Variants in CABIN1 observed in about 807,000 individuals in gnomAD.
The protein encoded by CABIN1 is calcineurin-binding protein cabin-1.
CABIN1 carries 133 observed loss-of-function variants against 227.7 expected under a neutral mutation model. The observed-to-expected ratio is 0.58, with a 90% CI of 0.51 to 0.67. The LOEUF is 0.67. Ranked by LOEUF, CABIN1 falls within the 30% of genes least tolerant of loss-of-function variation. CABIN1 has a pLI of 0.00. For missense variants in CABIN1, 2,408 were observed against 2,852.5 expected, an observed-to-expected ratio of 0.84 and a Z score of 3.55; for synonymous variants, 1,086 against 1,155.1, an observed-to-expected ratio of 0.94 and a Z score of 1.21.
In CABIN1 at chr22:24,127,821, C is replaced by CATATAT. The variant is rs10640276; in HGVS notation, c.4633-6470_4633-6465dup. On this transcript the variant is annotated intron_variant, in intron 28 of 36. Coordinates refer to ENST00000263119, the MANE Select transcript of CABIN1 (RefSeq NM_012295.4). Reference sequence around the variant, plus strand: ...TCTTCAACAACTGTATTTAACTTTTCATATATATATATATATGAGTGATCT... The same window carrying CATATAT: ...TCTTCAACAACTGTATTTAACTTTTCATATATATATATATATATATATGAGTGATCT... Among the ~76,000 whole-genome samples the CATATAT allele has an allele frequency of 1.5e-3, 224 of 150,018 alleles. 1 individual carries two copies. Among genetic ancestry groups the CATATAT allele is most frequent in the African/African-American group, 5.1e-3 (210 of 40,932 alleles).
At chr22:24,092,975 G>A (rs1037157358) in intron 24 of CABIN1, among the ~76,000 whole-genome samples, 5 of 152,140 alleles carry the variant, frequency 3.3e-5, no homozygotes, top group Non-Finnish European at 5.9e-5. Flanking sequence ...TTAGCAGGGC[G>A]TTTGTTTATC....
Position 24,036,157 on chromosome 22 carries a change from C to T in CABIN1, c.72C>T (p.His24=), listed in dbSNP as rs747719847. The T allele has an allele frequency of 2.5e-6, 4 of 1,613,572 alleles. No homozygotes were observed. The East Asian group carries it at 8.9e-5, about 36-fold the overall frequency. ...EDDHEGSFKS[H]KTQTKEAQEA... is the part of the protein sequence containing the mutation. ...ATCATGAAGGAAGCTTTAAAAGTCA[C>T]AAAACCCAGACAAAGGAGGCTCAGG... is the stretch of plus-strand genomic sequence containing the variant. The change falls in exon 3 of 37, where the codon CAC becomes CAT. Residue 24 remains histidine, a synonymous_variant. Transcript: ENST00000263119.
At chr22:24,117,555 G>T (rs1309483834) in intron 27 of CABIN1, among the ~76,000 whole-genome samples, 1 of 148,684 alleles carries the variant, frequency 6.7e-6, no homozygotes, top group Admixed American at 6.7e-5. Flanking sequence ...TGGGGGGGGG[G>T]TTAGGTTTAA....
intron 22 of CABIN1, among the ~76,000 whole-genome samples, chr22:24,085,378 G>C (rs770109331): frequency 2.0e-5 from 3 of 152,208 alleles, no homozygotes; most frequent in African/African-American, 7.2e-5. Flanking sequence ...CCTCTGGGAG[G>C]GTTATTGGTA....
At chr22:24,120,660 A>C (rs751947095) in intron 28 of CABIN1, among the ~76,000 whole-genome samples, 1 of 152,040 alleles carries the variant, frequency 6.6e-6, no homozygotes, top group African/African-American at 2.4e-5. Context: ...TAAAAATACA[A>C]AAGTTAGCCA....
intron 27 of CABIN1, among the ~76,000 whole-genome samples, chr22:24,117,550 G>T (rs1334313653): frequency 1.3e-5 from 2 of 151,786 alleles, no homozygotes; most frequent in East Asian, 1.9e-4. Flanking sequence ...TTTTTTGGGG[G>T]GGGGGTTAGG....
intron 29 of CABIN1, among the ~76,000 whole-genome samples, chr22:24,159,556 C>T (rs973585667): frequency 2.0e-5 from 3 of 152,212 alleles, no homozygotes; most frequent in South Asian, 2.1e-4. Flanking sequence ...CCCTGTGCAG[C>T]GCCCAGGCAG....
intron 6 of CABIN1, among the ~76,000 whole-genome samples, chr22:24,043,848 A>G (rs1379168409): frequency 6.6e-6 from 1 of 152,264 alleles, no homozygotes; most frequent in African/African-American, 2.4e-5. Flanking sequence ...CTCCAGTTGT[A>G]AACTTGTGAA....
rs374152466 is a variant in CABIN1 at position 24,158,491 on chromosome 22, T to C, written c.4747-5909T>C. ...TCTGTGGTCATTTTGAATGATGTTT[T>C]TGGTGATGTGGGAAAATACATGTAC... On this transcript the variant is annotated intron_variant, in intron 29 of 36. Transcript: ENST00000263119. Among the ~76,000 whole-genome samples, 91 of 152,316 alleles carry C rather than the reference T, an allele frequency of 6.0e-4. 1 individual carries two copies. In the South Asian group the frequency reaches 0.018, roughly 30 times the overall value.
intron 1 of CABIN1, among the ~76,000 whole-genome samples, chr22:24,012,649 T>C (rs1243539295): frequency 6.6e-6 from 1 of 152,224 alleles, no homozygotes; most frequent in East Asian, 1.9e-4. Context: ...TTTGGAAACT[T>C]ATTAGCTTAG....
intron 1 of CABIN1, among the ~76,000 whole-genome samples, chr22:24,015,872 C>G (rs1461160074): frequency 6.6e-6 from 1 of 152,086 alleles, no homozygotes; most frequent in Non-Finnish European, 1.5e-5. Context: ...GCAGGAGTAT[C>G]GCTTGAACCC....
chr22:24,027,406 A>G (rs1453253805), intron 1 of CABIN1, among the ~76,000 whole-genome samples: 1 of 152,192 alleles, frequency 6.6e-6, no homozygotes, highest in Non-Finnish European at 1.5e-5. Flanking sequence ...CTTCCAGTAT[A>G]TTGTGGAATA....
intron 26 of CABIN1, 32 bp downstream of exon 26, chr22:24,098,224 A>G (rs1332320130): frequency 6.3e-7 from 1 of 1,596,916 alleles, no homozygotes; most frequent in Non-Finnish European, 8.5e-7. Flanking sequence ...CTGCCAGCCC[A>G]GGGCGGCACA....
chr22:24,023,106 G>A (rs2035838919), intron 1 of CABIN1, among the ~76,000 whole-genome samples: 1 of 152,096 alleles, frequency 6.6e-6, no homozygotes, highest in African/African-American at 2.4e-5. Context: ...TGCAGGCTGT[G>A]GTACTTTCAG....
chr22:24,125,774 G>A (rs1019712660), intron 28 of CABIN1, among the ~76,000 whole-genome samples: 3 of 152,242 alleles, frequency 2.0e-5, no homozygotes, highest in Non-Finnish European at 2.9e-5. Context: ...AACCAGCCAG[G>A]TTCTTGTCAA....
At chr22:24,042,336 A>G (rs980178761) in intron 5 of CABIN1, among the ~76,000 whole-genome samples, 1 of 152,308 alleles carries the variant, frequency 6.6e-6, no homozygotes, top group East Asian at 1.9e-4. Context: ...TATCAAGACA[A>G]TGGGGAAACT....
At chr22:24,045,846 T>C (rs149636850) in intron 6 of CABIN1, among the ~76,000 whole-genome samples, 7 of 152,326 alleles carry the variant, frequency 4.6e-5, no homozygotes, top group South Asian at 2.1e-4. Context: ...GAGGCCTTGC[T>C]CAACCTTCTC....
At chr22:24,139,696 T>C (rs1283768945) in intron 29 of CABIN1, among the ~76,000 whole-genome samples, 3 of 152,136 alleles carry the variant, frequency 2.0e-5, no homozygotes, top group Admixed American at 2.0e-4. Context: ...CCAGTCTCCT[T>C]GGGTGGACAC....
At chr22:24,132,656 C>T (rs2044144488) in intron 28 of CABIN1, among the ~76,000 whole-genome samples, 1 of 152,184 alleles carries the variant, frequency 6.6e-6, no homozygotes, top group African/African-American at 2.4e-5. Flanking sequence ...GGCATAATCT[C>T]GGCTCACTGC....
Sources: allele counts gnomAD v4.1 joint callset (sites outside exome capture counted in the v4.1 genomes callset), GRCh38; gene constraint gnomAD v4.1.1; transcripts MANE v1.5; gene names NCBI Gene and HGNC (gene_info 2026-07-23, HGNC 2026-07-21).